Variants in DAAM2 observed in about 807,000 individuals in gnomAD.
The protein encoded by DAAM2 is dishevelled associated activator of morphogenesis 2, also known as disheveled-associated activator of morphogenesis 2.
A neutral mutation model predicts 120.7 loss-of-function variants in DAAM2; 39 were observed. The ratio of observed to expected loss-of-function variants is 0.32; its 90% CI spans 0.25 to 0.42. The LOEUF is 0.42. Among genes scored for constraint, DAAM2 ranks in the 10% least tolerant of loss-of-function variants. The probability of loss-of-function intolerance (pLI) is 1.00; values close to 1 mark genes in which losing one functional copy is unlikely to be tolerated. For synonymous variants in DAAM2, 488 were observed against 524.9 expected (o/e 0.93, Z 0.96); for missense variants, 1,283 against 1,401.7 (o/e 0.92, Z 1.35).
At chr6:39,874,217 T>C (rs1405158671) in intron 10 of DAAM2, among the ~76,000 whole-genome samples, 1 of 152,206 alleles carries the variant, frequency 6.6e-6, no homozygotes, top group Non-Finnish European at 1.5e-5. Context: ...TATTTACATA[T>C]AGAAAGAATT....
intron 16 of DAAM2, 76 bp downstream of exon 16, chr6:39,887,668 C>G: frequency 2.1e-6 from 2 of 968,934 alleles, no homozygotes; most frequent in Non-Finnish European, 3.2e-6. Context: ...GTGGCAGTCT[C>G]GGGCCTCTCC....
chr6:39,901,195 C>A lies in DAAM2; in HGVS notation c.2812-107C>A. 1 of 1,025,202 alleles carries A rather than the reference C, an allele frequency of 9.8e-7. No homozygotes were observed. The highest frequency in any genetic ancestry group is 1.5e-6 in the Non-Finnish European group (1 of 686,588). The allele number at this position is 1,025,202 out of a possible 1,614,324, so 63.5% of individuals were successfully genotyped here. A position where few individuals can be genotyped will look rare whatever the true frequency, so the allele number is the denominator to read the frequency against. On this transcript the variant is annotated intron_variant, in intron 23 of 24. Coordinates refer to ENST00000274867, the MANE Select transcript of DAAM2 (RefSeq NM_001201427.2). The surrounding 1 kb of genome is among the most constrained non-coding windows in gnomAD (Gnocchi z 4.5). Reference sequence around the variant, plus strand: ...GCCCTGCCCCCTGTGCCAACAGTCCCCAGCCTTGCGCTGGGCTCTGCTCTG... The same window carrying A: ...GCCCTGCCCCCTGTGCCAACAGTCCACAGCCTTGCGCTGGGCTCTGCTCTG...
intron 19 of DAAM2, among the ~76,000 whole-genome samples, chr6:39,894,344 G>T (rs1432040338): frequency 1.3e-5 from 2 of 152,058 alleles, no homozygotes; most frequent in Non-Finnish European, 2.9e-5. Context: ...AATATAAATT[G>T]CCAGAAACTT....
chr6:39,846,388 TA>T (rs1264255053), intron 1 of DAAM2, among the ~76,000 whole-genome samples: 1 of 152,208 alleles, frequency 6.6e-6, no homozygotes, highest in East Asian at 1.9e-4. Context: ...AGTGATGGGG[TA>T]GAAGAAACTA....
intron 11 of DAAM2, among the ~76,000 whole-genome samples, chr6:39,876,730 C>CGT (rs1258242169): frequency 6.7e-6 from 1 of 149,440 alleles, no homozygotes; most frequent in African/African-American, 2.5e-5. Flanking sequence ...TGTGTGTGTG[C>CGT]GTGTGTGTAT....
intron 1 of DAAM2, among the ~76,000 whole-genome samples, chr6:39,814,169 G>A (rs945819608): frequency 6.9e-6 from 1 of 144,148 alleles, no homozygotes; most frequent in African/African-American, 2.6e-5. Flanking sequence ...TTTTTTTTAA[G>A]TTTTCTTTTT....
chr6:39,797,753 T>C (rs1156533553), intron 1 of DAAM2, among the ~76,000 whole-genome samples: 1 of 152,206 alleles, frequency 6.6e-6, no homozygotes, highest in Non-Finnish European at 1.5e-5. Context: ...GCCAAGACTT[T>C]GCTAGGATTT....
intron 14 of DAAM2, chr6:39,883,710 A>C: frequency 7.1e-5 from 27 of 380,920 alleles, no homozygotes; most frequent in Middle Eastern, 7.5e-4. Flanking sequence ...ACCCCCCATG[A>C]TTTCTAGAAC....
At chr6:39,806,547 T>C (rs1398703136) in intron 1 of DAAM2, among the ~76,000 whole-genome samples, 2 of 152,144 alleles carry the variant, frequency 1.3e-5, no homozygotes, top group Non-Finnish European at 2.9e-5. Context: ...CTTCATGTGA[T>C]TTATCTCTAA....
rs566122050 is a variant in DAAM2, at chr6:39,849,927, G to A, written c.-56-6320G>A. Among the ~76,000 whole-genome samples, 9 of 152,300 alleles carry A rather than the reference G, an allele frequency of 5.9e-5. No individual in the cohort carries two copies. In the South Asian group the frequency reaches 1.2e-3, roughly 21 times the overall value. ...GGTGACTCCCAGCAGCACGTGGCAC[G>A]TGGAGGGTCAGCATATAGGGAGCAA... On this transcript the variant is annotated intron_variant, in intron 1 of 24. Transcript: ENST00000274867.
chr6:39,839,059 A>G lies in DAAM2; in HGVS notation c.-56-17188A>G, dbSNP rs76698148. ...CTCTCCTCCCACAGAGATTGTTTTA[A>G]TTGGTTCAGGTTGGGTCTAGGCTAG... On this transcript the variant is annotated intron_variant, in intron 1 of 24. Coordinates refer to ENST00000274867, the MANE Select transcript of DAAM2 (RefSeq NM_001201427.2). Among the ~76,000 whole-genome samples, 799 of 151,038 alleles carry G rather than the reference A, an allele frequency of 5.3e-3. 8 individuals are homozygous for G. The highest frequency in any genetic ancestry group is 0.016 in the African/African-American group (674 of 41,148).
chr6:39,831,966 G>T (rs1227063648), intron 1 of DAAM2, among the ~76,000 whole-genome samples: 6 of 123,734 alleles, frequency 4.8e-5, no homozygotes, highest in Middle Eastern at 4.1e-3. Flanking sequence ...AGGTGCACTG[G>T]GGGGGTAGGT....
intron 11 of DAAM2, among the ~76,000 whole-genome samples, chr6:39,876,706 GGT>G (rs373953758): frequency 1.5e-3 from 227 of 149,402 alleles, no homozygotes; most frequent in African/African-American, 4.5e-3. Flanking sequence ...GAATGGGAAG[GGT>G]GTGTGTGTGT....
intron 1 of DAAM2, among the ~76,000 whole-genome samples, chr6:39,835,512 G>A (rs1008382937): frequency 1.3e-5 from 2 of 152,106 alleles, no homozygotes; most frequent in Non-Finnish European, 2.9e-5. Flanking sequence ...CTCTTCTTTA[G>A]CCTGCAGGAG....
rs113236495 is a variant in DAAM2 at position 39,890,991 on chromosome 6, C to T, written c.2146-350C>T. 7.6e-3 allele frequency among the ~76,000 whole-genome samples: 1,147 copies of T among 151,688 alleles called. 11 individuals carry two copies. Among genetic ancestry groups the T allele is most frequent in the Middle Eastern group, 0.02 (6 of 294 alleles). ...TGCCTATATTCCCAGCTACTCAGGA[C>T]CTGAGGTGGGAGTATTGCTTCAGCC... On this transcript the variant is annotated intron_variant, in intron 17 of 24. Transcript: ENST00000274867.
chr6:39,838,329 T>A (rs1327052210), intron 1 of DAAM2, among the ~76,000 whole-genome samples: 1 of 152,222 alleles, frequency 6.6e-6, no homozygotes, highest in East Asian at 1.9e-4. Flanking sequence ...AGATGTGGAT[T>A]ATTATTGCTA....
intron 1 of DAAM2, among the ~76,000 whole-genome samples, chr6:39,832,799 G>A (rs1017342296): frequency 1.3e-4 from 20 of 152,116 alleles, no homozygotes; most frequent in African/African-American, 4.3e-4. Context: ...TCTGCTGCTT[G>A]GGCCTCTGTG....
intron 17 of DAAM2, chr6:39,889,026 CCT>C (rs1046760449): frequency 1.9e-5 from 5 of 260,648 alleles, no homozygotes; most frequent in African/African-American, 1.1e-4. Flanking sequence ...AAATCTCTTC[CCT>C]CTCAGTTTTT....
At chr6:39,876,443 AG>A (rs1764870593) in intron 11 of DAAM2, among the ~76,000 whole-genome samples, 1 of 152,238 alleles carries the variant, frequency 6.6e-6, no homozygotes, top group Non-Finnish European at 1.5e-5. Flanking sequence ...AGTGATCAAA[AG>A]GTGACTTTAG....
Sources: gnomAD v4.1 joint callset for allele counts (sites outside exome capture counted in the v4.1 genomes callset) on GRCh38, gnomAD v4.1.1 for gene constraint, Gnocchi (gnomAD v3.1) non-coding constraint, MANE v1.5 for transcripts, NCBI Gene and HGNC (gene_info 2026-07-23, HGNC 2026-07-21) for gene names.